The following CSTPP1 variants were observed in gnomAD, a reference collection of about 807,000 sequenced individuals.
The protein encoded by CSTPP1 is centriolar satellite-associated tubulin polyglutamylase complex regulator 1.
chr11:47,121,573 T>G, the CSTPP1 span, among the ~76,000 whole-genome samples: 215 of 152,320 alleles, frequency 1.4e-3, no homozygotes, highest in African/African-American at 5.1e-3. Context: ...GGCCTTTTAC[T>G]CTCAAGTAAA....
At chr11:46,941,700 A>C in the CSTPP1 span, among the ~76,000 whole-genome samples, 4 of 152,180 alleles carry the variant, frequency 2.6e-5, no homozygotes, top group African/African-American at 9.7e-5. Context: ...TAGATTAATA[A>C]AATATTTCCT....
At chr11:47,054,310 C>CAAA in the CSTPP1 span, among the ~76,000 whole-genome samples, 12 of 41,466 alleles carry the variant, frequency 2.9e-4, no homozygotes, top group East Asian at 1.5e-3. Context: ...TACTCCGTCT[C>CAAA]AAAAAAAAAA....
At chr11:47,159,820 C>A in the CSTPP1 span, 1 of 408,628 alleles carries the variant, frequency 2.4e-6, no homozygotes, top group African/African-American at 2.1e-5. Context: ...GCCTGGCCAA[C>A]ATGGAGAAAC....
chr11:47,037,153 A>G, the CSTPP1 span, among the ~76,000 whole-genome samples: 1 of 126,954 alleles, frequency 7.9e-6, no homozygotes, highest in East Asian at 2.1e-4. Context: ...AAGGGCTTCC[A>G]TGGCAAAATA....
chr11:47,156,405 C>A, the CSTPP1 span, among the ~76,000 whole-genome samples: 1 of 152,082 alleles, frequency 6.6e-6, no homozygotes, highest in Non-Finnish European at 1.5e-5. Context: ...GGCCATAAGT[C>A]AGCAGTTCTA....
At chr11:47,159,499 GAC>G in the CSTPP1 span, 1 of 402,280 alleles carries the variant, frequency 2.5e-6, no homozygotes, top group Non-Finnish European at 4.9e-6. Context: ...GACAGAGCAA[GAC>G]AGTCTCAAAA....
chr11:47,042,345 GTTTTTTTTT>G, the CSTPP1 span, among the ~76,000 whole-genome samples: 1 of 131,900 alleles, frequency 7.6e-6, no homozygotes. Context: ...TTTGACTTCT[GTTTTTTTTT>G]TTTTTTTGAA....
the CSTPP1 span, among the ~76,000 whole-genome samples, chr11:46,939,271 G>A: frequency 6.6e-6 from 1 of 151,322 alleles, no homozygotes; most frequent in South Asian, 2.1e-4. Context: ...TGTATTTTTA[G>A]TAGAGATGGG....
the CSTPP1 span, among the ~76,000 whole-genome samples, chr11:47,140,468 G>A: frequency 6.6e-6 from 1 of 152,134 alleles, no homozygotes; most frequent in Non-Finnish European, 1.5e-5. Flanking sequence ...TGTAGCCCAG[G>A]CTGGAGGGCA....
chr11:46,971,893 A>C, the CSTPP1 span, among the ~76,000 whole-genome samples: 1 of 152,208 alleles, frequency 6.6e-6, no homozygotes, highest in South Asian at 2.1e-4. Flanking sequence ...GGCTGCAGTG[A>C]GCCGTGATTG....
the CSTPP1 span, among the ~76,000 whole-genome samples, chr11:47,002,961 A>G: frequency 6.6e-6 from 1 of 152,192 alleles, no homozygotes; most frequent in Non-Finnish European, 1.5e-5. Flanking sequence ...GTACACTCAC[A>G]CGAGTCTTAA....
chr11:46,998,737 G>T, the CSTPP1 span, among the ~76,000 whole-genome samples: 3 of 149,888 alleles, frequency 2.0e-5, no homozygotes, highest in African/African-American at 4.9e-5. Context: ...TTTTTGTTTT[G>T]TTTTTTTTTG....
At chr11:47,155,166 TC>T in the CSTPP1 span, 1 of 1,609,122 alleles carries the variant, frequency 6.2e-7, no homozygotes, top group South Asian at 1.1e-5. Flanking sequence ...ATTCTCTCTT[TC>T]CCCTTCAGGA....
the CSTPP1 span, among the ~76,000 whole-genome samples, chr11:47,050,798 G>A: frequency 6.6e-6 from 1 of 152,132 alleles, no homozygotes. Context: ...TGCGTGGTTA[G>A]GTTAACACTT....
At chr11:46,997,127 CT>C in the CSTPP1 span, among the ~76,000 whole-genome samples, 1 of 152,198 alleles carries the variant, frequency 6.6e-6, no homozygotes, top group African/African-American at 2.4e-5. Context: ...GGAAGTTCTC[CT>C]GGATAATATC....
At chr11:46,954,269 C>T in the CSTPP1 span, among the ~76,000 whole-genome samples, 1 of 152,134 alleles carries the variant, frequency 6.6e-6, no homozygotes, top group East Asian at 1.9e-4. Flanking sequence ...GAGGATTCGG[C>T]TGGATGCAGT....
the CSTPP1 span, among the ~76,000 whole-genome samples, chr11:47,100,729 G>A: frequency 1.3e-5 from 2 of 152,200 alleles, no homozygotes; most frequent in African/African-American, 4.8e-5. Context: ...GGCAGATGTT[G>A]CAGTGAGCCG....
the CSTPP1 span, chr11:47,156,950 CAT>C: frequency 6.7e-7 from 1 of 1,501,410 alleles, no homozygotes; most frequent in Admixed American, 1.8e-5. Flanking sequence ...GAAGGGAAGA[CAT>C]AGTGAACAGA....
chr11:47,008,361 A>G, the CSTPP1 span, among the ~76,000 whole-genome samples: 45 of 152,304 alleles, frequency 3.0e-4, no homozygotes, highest in South Asian at 5.6e-3. Flanking sequence ...TATCAGTTGA[A>G]TCTTCCAGAA....
Sources: allele counts gnomAD v4.1 joint callset (sites outside exome capture counted in the v4.1 genomes callset), GRCh38; gene constraint gnomAD v4.1.1; transcripts MANE v1.5; gene names NCBI Gene and HGNC (gene_info 2026-07-23, HGNC 2026-07-21).